The following NHSL2 variants were observed in gnomAD, a reference collection of about 807,000 sequenced individuals.
NHSL2 encodes NHS like 2.
A neutral mutation model predicts 53.4 loss-of-function variants in NHSL2; 27 were observed. That is an observed-to-expected ratio of 0.51 (90% CI 0.37 to 0.70). The LOEUF is 0.70. Among genes scored for constraint, NHSL2 ranks in the 30% least tolerant of loss-of-function variants. The pLI is 0.00. For missense variants in NHSL2, 892 were observed against 980.1 expected, an observed-to-expected ratio of 0.91 and a Z score of 1.20; for synonymous variants, 408 against 404.1, an observed-to-expected ratio of 1.01 and a Z score of -0.12.
Position 72,148,734 on chromosome X carries a change from T to C in NHSL2, c.*5160T>C, listed in dbSNP as rs759902345. On this transcript the variant is annotated 3_prime_UTR_variant, in exon 8 of 8. Coordinates refer to ENST00000633930, the MANE Select transcript of NHSL2 (RefSeq NM_001013627.3). ...GCAATGTGAAATGGGCATTATACTT[T>C]TGTTCAGTAAAGCCCAAAATCTAGG... 1.8e-5 allele frequency: 2 copies of C among 111,114 alleles called. No individual in the cohort carries two copies. Among genetic ancestry groups the C allele is most frequent in the South Asian group, 7.6e-4 (2 of 2,617 alleles). The allele number at this position is 111,114 out of a possible 1,213,427, so 9.2% of individuals were successfully genotyped here. A position where few individuals can be genotyped will look rare whatever the true frequency, so the allele number is the denominator to read the frequency against.
At chrX:71,915,418 G>A (rs1187146009) in intron 1 of NHSL2, among the ~76,000 whole-genome samples, 1 of 111,615 alleles carries the variant, frequency 9.0e-6, no homozygotes, top group African/African-American at 3.3e-5. Flanking sequence ...CCCAGAAAGG[G>A]GAAGGTACCT....
At chrX:72,133,494 G>A (rs1055322322) in intron 2 of NHSL2, among the ~76,000 whole-genome samples, 4 of 111,708 alleles carry the variant, frequency 3.6e-5, no homozygotes, top group African/African-American at 1.3e-4. Context: ...CTTACTCACT[G>A]ATGATGCCGC....
intron 1 of NHSL2, among the ~76,000 whole-genome samples, chrX:71,994,194 G>T (rs766185396): frequency 9.0e-6 from 1 of 110,987 alleles, no homozygotes; most frequent in Non-Finnish European, 1.9e-5. Flanking sequence ...GGGTTACAGA[G>T]ATGAACAAAT....
chrX:71,965,039 CTG>C (rs934874476), intron 1 of NHSL2, among the ~76,000 whole-genome samples: 1 of 111,557 alleles, frequency 9.0e-6, no homozygotes, highest in African/African-American at 3.3e-5. Context: ...TATGGAAACT[CTG>C]TACTTTCTAC....
In NHSL2 at chrX:72,145,947, A is replaced by G. The variant is rs1425303416; in HGVS notation, c.*2373A>G. On this transcript the variant is annotated 3_prime_UTR_variant, in exon 8 of 8. Transcript: ENST00000633930. Reference sequence around the variant, plus strand: ...ACTCTATATGCCTGGAATTTTTAGAATATCTTCTACATCATCACTGTGGCC... The same window carrying G: ...ACTCTATATGCCTGGAATTTTTAGAGTATCTTCTACATCATCACTGTGGCC... 2.7e-5 allele frequency: 3 copies of G among 113,081 alleles called. No homozygotes were observed. The highest frequency in any genetic ancestry group is 9.6e-5 in the African/African-American group (3 of 31,138). The allele number at this position is 113,081 out of a possible 1,213,427, so 9.3% of individuals were successfully genotyped here. A position where few individuals can be genotyped will look rare whatever the true frequency, so the allele number is the denominator to read the frequency against.
chrX:71,917,839 CAGG>C (rs1429928930), intron 1 of NHSL2, among the ~76,000 whole-genome samples: 1 of 111,012 alleles, frequency 9.0e-6, no homozygotes, highest in African/African-American at 3.3e-5. Flanking sequence ...GCCAGTGATT[CAGG>C]AGGAGAGGGA....
In NHSL2 at chrX:72,139,660, G is replaced by T; in HGVS notation, c.2112G>T (p.Arg704Ser). 8.3e-7 allele frequency: 1 copy of T among 1,210,680 alleles called. No individual in the cohort carries two copies. The highest frequency in any genetic ancestry group is 1.1e-6 in the Non-Finnish European group (1 of 894,980). ...CCAGGGAGATATCATCCCCGGGAAG[G>T]CCCCCTGGACTGATGTCACCCTCCA... Reference protein sequence around the residue: ...VEAREISSPGRPPGLMSPSSG... With the variant: ...VEAREISSPGSPPGLMSPSSG... Residue 704 changes from arginine (R) to serine (S), a missense_variant, in exon 6 of 8, where the codon AGG becomes AGT. Physicochemically the swap from Arg to Ser is moderately radical, Grantham distance 110. Coordinates refer to ENST00000633930, the MANE Select transcript of NHSL2 (RefSeq NM_001013627.3).
intron 2 of NHSL2, 29 bp downstream of exon 2, chrX:72,132,263 G>C: frequency 1.8e-6 from 2 of 1,128,100 alleles, no homozygotes; most frequent in Non-Finnish European, 2.4e-6. Flanking sequence ...GCTGCGGCCG[G>C]AGCCCAGAAG....
At chrX:71,981,790 T>G (rs1169921607) in intron 1 of NHSL2, among the ~76,000 whole-genome samples, 2 of 111,709 alleles carry the variant, frequency 1.8e-5, no homozygotes, top group African/African-American at 6.5e-5. Context: ...TCCCACCCAA[T>G]AGATTTGTTG....
chrX:71,950,871 G>A (rs1301455967), intron 1 of NHSL2, among the ~76,000 whole-genome samples: 1 of 111,408 alleles, frequency 9.0e-6, no homozygotes, highest in East Asian at 2.8e-4. Flanking sequence ...TGGGGAGAAA[G>A]GTTAATGCTC....
chrX:71,919,276 T>C (rs1175896068), intron 1 of NHSL2, among the ~76,000 whole-genome samples: 1 of 112,111 alleles, frequency 8.9e-6, no homozygotes, highest in African/African-American at 3.2e-5. Context: ...TATCTGACTC[T>C]AGTGTCTCTG....
At chrX:71,950,956 A>C (rs1307726200) in intron 1 of NHSL2, among the ~76,000 whole-genome samples, 1 of 108,900 alleles carries the variant, frequency 9.2e-6, no homozygotes, top group Non-Finnish European at 1.9e-5. Flanking sequence ...TTAATCTTCT[A>C]TAATGCTCAA....
chrX:72,027,913 A>G (rs1043442493), intron 1 of NHSL2, among the ~76,000 whole-genome samples: 1 of 111,170 alleles, frequency 9.0e-6, no homozygotes, highest in African/African-American at 3.3e-5. Context: ...GCCTACCTCC[A>G]CCCTCGTGAG....
chrX:72,048,319 G>C (rs925591324), intron 1 of NHSL2, among the ~76,000 whole-genome samples: 1 of 110,884 alleles, frequency 9.0e-6, no homozygotes, highest in Non-Finnish European at 1.9e-5. Context: ...TCAAGGAAAA[G>C]GTGGTTATTA....
chrX:72,022,895 G>A (rs748590635), intron 1 of NHSL2, among the ~76,000 whole-genome samples: 1 of 111,321 alleles, frequency 9.0e-6, no homozygotes, highest in Non-Finnish European at 1.9e-5. Context: ...ATTCCAGCCT[G>A]GATACAGTAC....
intron 1 of NHSL2, among the ~76,000 whole-genome samples, chrX:72,102,861 G>C (rs1472627403): frequency 1.8e-5 from 2 of 111,937 alleles, no homozygotes; most frequent in African/African-American, 6.5e-5. Flanking sequence ...AAACTAGACT[G>C]GTTCATGGAA....
chrX:72,137,189 A>T lies in NHSL2; in HGVS notation c.856A>T (p.Ile286Phe), dbSNP rs1035331875. 26 of 1,166,815 alleles carry T rather than the reference A, an allele frequency of 2.2e-5. No individual in the cohort carries two copies. Among genetic ancestry groups the T allele is most frequent in the Non-Finnish European group, 2.8e-5 (24 of 872,231 alleles). ...GTCCACCCTGAGGCGGAGGCGGACC[A>T]TTATTGGATTCTCTAACTTTTCCCA... ...PKSTLRRRRT[I>F]IGFSNFSQRD... Residue 286 changes from isoleucine to phenylalanine, a missense_variant, in exon 5 of 8, where the codon ATT becomes TTT. Ile to Phe is a conservative substitution (Grantham distance 21, BLOSUM62 0). Coordinates refer to ENST00000633930, the MANE Select transcript of NHSL2 (RefSeq NM_001013627.3).
chrX:72,086,276 G>C (rs1569478762), intron 1 of NHSL2, among the ~76,000 whole-genome samples: 1 of 111,617 alleles, frequency 9.0e-6, no homozygotes, highest in Non-Finnish European at 1.9e-5. Context: ...AAAATATCTT[G>C]CTGGCCTCGT....
chrX:72,035,139 G>T (rs2042234701), intron 1 of NHSL2, among the ~76,000 whole-genome samples: 2 of 111,765 alleles, frequency 1.8e-5, no homozygotes, highest in Non-Finnish European at 3.8e-5. Context: ...AATTTCCTTT[G>T]AGTCTTTCTC....
Sources: gnomAD v4.1 joint callset for allele counts (sites outside exome capture counted in the v4.1 genomes callset) on GRCh38, gnomAD v4.1.1 for gene constraint, MANE v1.5 for transcripts, NCBI Gene and HGNC (gene_info 2026-07-23, HGNC 2026-07-21) for gene names.